ADAMTS14: variants seen among roughly 807,000 people sequenced by gnomAD.
ADAMTS14 encodes the protein ADAM metallopeptidase with thrombospondin type 1 motif 14.
A neutral mutation model predicts 128.6 loss-of-function variants in ADAMTS14; 100 were observed. That is an observed-to-expected ratio of 0.78 (90% CI 0.66 to 0.92). The LOEUF is 0.92. Among genes scored for constraint, ADAMTS14 ranks in the 40% least tolerant of loss-of-function variants. ADAMTS14 has a pLI of 0.00. For synonymous variants in ADAMTS14, 665 were observed against 653.8 expected (o/e 1.02, Z -0.26); for missense variants, 1,562 against 1,658.6 (o/e 0.94, Z 1.01).
chr10:70,711,324 C>T (rs767268006), intron 4 of ADAMTS14, among the ~76,000 whole-genome samples: 1 of 152,210 alleles, frequency 6.6e-6, no homozygotes, highest in Non-Finnish European at 1.5e-5. Flanking sequence ...CAAAATCTCC[C>T]GAAGCAGGAC....
Position 70,702,415 on chromosome 10 carries a change from G to A in ADAMTS14, c.626G>A (p.Arg209Gln), listed in dbSNP as rs141259412. 1,563 of 1,613,864 alleles carry A rather than the reference G, an allele frequency of 9.7e-4. 1 individual carries two copies. Among genetic ancestry groups the A allele is most frequent in the Non-Finnish European group, 1.1e-3 (1,343 of 1,179,848 alleles). Residue 209 changes from arginine (R) to glutamine (Q), a missense_variant, in exon 3 of 22, where the codon CGG becomes CAG. Transcript: ENST00000373207. ...GGGAGGACACATGTGGTGTACCGCCGGGAGGCCGTCCAGCAGGAGTGGGCA... is the reference window on the plus strand; with the variant it reads ...GGGAGGACACATGTGGTGTACCGCCAGGAGGCCGTCCAGCAGGAGTGGGCA... ...ASGRTHVVYRREAVQQEWAEP... is the reference protein window; with the variant it reads ...ASGRTHVVYRQEAVQQEWAEP...
chr10:70,733,998 G>A lies in ADAMTS14; in HGVS notation c.1322G>A (p.Cys441Tyr). ...AAFHRFHWSR[C>Y]SKLELSRYLP... ...TTCCACCGCTTCCATTGGTCCCGCT[G>A]CAGCAAGCTGGAGCTCAGCCGCTAC... The change falls in exon 8 of 22, where the codon TGC (cysteine) becomes TAC (tyrosine). Residue 441 changes from cysteine (C) to tyrosine (Y), a missense_variant. Transcript: ENST00000373207. The A allele has an allele frequency of 6.2e-7, 1 of 1,613,672 alleles. No homozygotes were observed. Among genetic ancestry groups the A allele is most frequent in the Middle Eastern group, 1.7e-4 (1 of 6,060 alleles).
At chr10:70,673,236 T>G (rs1197421137) in intron 1 of ADAMTS14, among the ~76,000 whole-genome samples, 1 of 151,862 alleles carries the variant, frequency 6.6e-6, no homozygotes, top group East Asian at 1.9e-4. Flanking sequence ...CTTTTCTGTC[T>G]CCAACTTGTG....
chr10:70,730,788 T>A (rs1841611782), intron 6 of ADAMTS14, among the ~76,000 whole-genome samples: 1 of 152,102 alleles, frequency 6.6e-6, no homozygotes, highest in Admixed American at 6.5e-5. Flanking sequence ...CGGGGGTGCA[T>A]GACATGTTTG....
intron 15 of ADAMTS14, among the ~76,000 whole-genome samples, chr10:70,748,499 G>A (rs1024296274): frequency 6.6e-6 from 1 of 152,166 alleles, no homozygotes; most frequent in Non-Finnish European, 1.5e-5. Flanking sequence ...AGGAAGGGGC[G>A]AGGCTCTTCT....
At chr10:70,709,543 C>T (rs1285949431) in intron 4 of ADAMTS14, among the ~76,000 whole-genome samples, 1 of 121,952 alleles carries the variant, frequency 8.2e-6, no homozygotes, top group Non-Finnish European at 1.6e-5. Context: ...CTCTGTCACT[C>T]AGGTCGGAGT....
chr10:70,730,121 G>A lies in ADAMTS14; in HGVS notation c.974G>A (p.Arg325His), dbSNP rs766375814. ...GYRQSLSLIE[R>H]GNPSRSLEQV... Reference sequence around the variant, plus strand: ...CTGCAGTCCCTGAGCCTGATCGAGCGCGGGAACCCCTCACGCAGCCTGGAG... The same window carrying A: ...CTGCAGTCCCTGAGCCTGATCGAGCACGGGAACCCCTCACGCAGCCTGGAG... The change falls in exon 6 of 22, where the codon CGC becomes CAC. Residue 325 changes from arginine (R) to histidine (H), a missense_variant. By Grantham distance (29) the Arg-to-His change is conservative (BLOSUM62 0). Transcript: ENST00000373207. 19 of 1,607,724 alleles carry A rather than the reference G, an allele frequency of 1.2e-5. No homozygotes were observed. Among genetic ancestry groups the A allele is most frequent in the South Asian group, 6.6e-5 (6 of 90,992 alleles).
chr10:70,674,957 C>A lies in ADAMTS14; in HGVS notation c.484C>A (p.Pro162Thr). The change falls in exon 2 of 22, where the codon CCT becomes ACT. Residue 162 changes from proline to threonine, a missense_variant. Transcript: ENST00000373207. ...CVYTGGVTGMPGAAVAISNCD... is the reference protein window; with the variant it reads ...CVYTGGVTGMTGAAVAISNCD... ...GTACACTGGAGGTGTCACTGGAATGCCTGGGGCAGCTGTTGCCATCAGCAA... is the reference window on the plus strand; with the variant it reads ...GTACACTGGAGGTGTCACTGGAATGACTGGGGCAGCTGTTGCCATCAGCAA... 6.2e-7 allele frequency: 1 copy of A among 1,613,060 alleles called. No homozygotes were observed. Among genetic ancestry groups the A allele is most frequent in the Non-Finnish European group, 8.5e-7 (1 of 1,180,030 alleles).
chr10:70,722,407 A>G (rs112716228), intron 4 of ADAMTS14, among the ~76,000 whole-genome samples: 55 of 152,252 alleles, frequency 3.6e-4, no homozygotes, highest in African/African-American at 1.3e-3. Flanking sequence ...GCAGTAAGTG[A>G]TCAGGGAAGG....
In ADAMTS14 at chr10:70,672,671, GGAGGCGGCT is replaced by G; in HGVS notation, c.-123_-115del. ...AGGCGGGAGGGAAGCAGCTAGGCGG[GGAGGCGGCT>G]GAGGCGGCAGCGGCGGCAGCCAGCC... is the stretch of plus-strand genomic sequence containing the variant. On this transcript the variant is annotated 5_prime_UTR_variant, in exon 1 of 22. Coordinates refer to ENST00000373207, the MANE Select transcript of ADAMTS14 (RefSeq NM_080722.4). 8.1e-7 allele frequency: 1 copy of G among 1,227,688 alleles called. No homozygotes were observed. Among genetic ancestry groups the G allele is most frequent in the Non-Finnish European group, 1.0e-6 (1 of 966,506 alleles). The allele number at this position is 1,227,688 out of a possible 1,614,324, so 76.0% of individuals were successfully genotyped here. A position where few individuals can be genotyped will look rare whatever the true frequency, so the allele number is the denominator to read the frequency against.
In ADAMTS14 at chr10:70,760,708, C is replaced by T. The variant is rs749121878; in HGVS notation, c.3527C>T (p.Ser1176Phe). The change falls in exon 22 of 22, where the codon TCC becomes TTC. Residue 1176 changes from serine (S) to phenylalanine (F), a missense_variant. Physicochemically the swap from Ser to Phe is radical, Grantham distance 155 (BLOSUM62 -2). Transcript: ENST00000373207. ...FAPETPIPGA[S>F]WSISPTTPGG... is the part of the protein sequence containing the mutation. ...CCTGAGACACCAATCCCTGGAGCAT[C>T]CTGGAGCATCTCCCCTACCACCCCC... The T allele has an allele frequency of 3.7e-6, 6 of 1,614,122 alleles. No homozygotes were observed. The highest frequency in any genetic ancestry group is 1.1e-5 in the South Asian group (1 of 91,078).
intron 9 of ADAMTS14, 24 bp from the exon 10 acceptor site, chr10:70,736,656 T>C (rs755171342): frequency 1.9e-6 from 3 of 1,607,528 alleles, no homozygotes; most frequent in Non-Finnish European, 2.6e-6. Context: ...TCCAGTCTGG[T>C]GACCCCATTC....
intron 6 of ADAMTS14, 85 bp downstream of exon 6, chr10:70,730,334 T>A (rs1379757959): frequency 9.3e-6 from 14 of 1,498,142 alleles, no homozygotes; most frequent in Non-Finnish European, 1.3e-5. Flanking sequence ...AGATGGGCTC[T>A]CTTCTGGGGC....
At chr10:70,736,909 T>G in intron 10 of ADAMTS14, 116 bp downstream of exon 10, 1 of 878,112 alleles carries the variant, frequency 1.1e-6, no homozygotes, top group Non-Finnish European at 1.8e-6. Flanking sequence ...CTTATATGAG[T>G]TGAGGGTGGT....
At chr10:70,710,680 T>C (rs1840824907) in intron 4 of ADAMTS14, among the ~76,000 whole-genome samples, 1 of 152,236 alleles carries the variant, frequency 6.6e-6, no homozygotes, top group South Asian at 2.1e-4. Flanking sequence ...TTACGAACCC[T>C]CTGGTGTGTC....
At chr10:70,748,736 T>C (rs1842260267) in intron 15 of ADAMTS14, among the ~76,000 whole-genome samples, 1 of 152,206 alleles carries the variant, frequency 6.6e-6, no homozygotes, top group Non-Finnish European at 1.5e-5. Context: ...GTTAGTGTTC[T>C]CGGATCCTTA....
At position 70,674,656 on chromosome 10, in the gene ADAMTS14, A is replaced by G; in HGVS notation, c.183A>G (p.Ala61=). 1.2e-6 allele frequency: 2 copies of G among 1,613,670 alleles called. No individual in the cohort carries two copies. The highest frequency in any genetic ancestry group is 1.7e-6 in the Non-Finnish European group (2 of 1,180,044). Residue 61 remains alanine, a synonymous_variant, in exon 2 of 22, where the codon GCA becomes GCG. Coordinates refer to ENST00000373207, the MANE Select transcript of ADAMTS14 (RefSeq NM_080722.4). ...TCTCCCACGTGGTGTCTGGCCCAGCAGCAGCCTCTGCAGGGAGCATGGTAG... is the reference window on the plus strand; with the variant it reads ...TCTCCCACGTGGTGTCTGGCCCAGCGGCAGCCTCTGCAGGGAGCATGGTAG... ...RFLSHVVSGP[A]AASAGSMVVD...
At chr10:70,678,708 T>G (rs532817757) in intron 2 of ADAMTS14, among the ~76,000 whole-genome samples, 2 of 152,204 alleles carry the variant, frequency 1.3e-5, no homozygotes, top group Admixed American at 1.3e-4. Flanking sequence ...AGTTGAGAGA[T>G]AATGGCTGCG....
chr10:70,752,095 G>A lies in ADAMTS14; in HGVS notation c.2597G>A (p.Gly866Glu). 6.2e-7 allele frequency: 1 copy of A among 1,612,508 alleles called. No homozygotes were observed. Among genetic ancestry groups the A allele is most frequent in the East Asian group, 2.2e-5 (1 of 44,870 alleles). ...CCACGGCAGCCTGCCCACCCCATAG[G>A]GATCCAGTTCACCAAATACGGCTGC... is the stretch of plus-strand genomic sequence containing the variant. Reference protein sequence around the residue: ...WAPCSKACGGGIQFTKYGCRR... With the variant: ...WAPCSKACGGEIQFTKYGCRR... Residue 866 changes from glycine to glutamate, a missense_variant and splice_region_variant, in exon 18 of 22, where the codon GGG becomes GAG. Transcript: ENST00000373207.
Sources: allele counts gnomAD v4.1 joint callset (sites outside exome capture counted in the v4.1 genomes callset), GRCh38; gene constraint gnomAD v4.1.1; transcripts MANE v1.5; gene names NCBI Gene and HGNC (gene_info 2026-07-23, HGNC 2026-07-21).